The following FSTL4 variants were observed in gnomAD, a reference collection of about 807,000 sequenced individuals.
The protein encoded by FSTL4 is follistatin-related protein 4.
FSTL4 carries 28 observed loss-of-function variants against 78.2 expected under a neutral mutation model. That is an observed-to-expected ratio of 0.36 (90% CI 0.27 to 0.49). The LOEUF is 0.49. FSTL4 is among the 20% of genes least tolerant of loss of function. FSTL4 has a pLI of 0.98. For missense variants in FSTL4, 922 were observed against 1,084.9 expected (o/e 0.85, Z 2.11); for synonymous variants, 422 against 440.5 (o/e 0.96, Z 0.53).
At chr5:133,636,485 T>C in the FSTL4 span, among the ~76,000 whole-genome samples, 1 of 152,216 alleles carries the variant, frequency 6.6e-6, no homozygotes, top group Admixed American at 6.5e-5. Flanking sequence ...AAAGGTTTAC[T>C]GAATAGTGAA....
In FSTL4 at chr5:133,420,613, A is replaced by G. The variant is rs1026744432; in HGVS notation, c.161-19627T>C. ...TACTGTGCAAATTCCCTGACCTCAA[A>G]TGATGGTGCCACCATAGCAGCAGGA... On this transcript the variant is annotated intron_variant, in intron 3 of 15. Coordinates refer to ENST00000265342, the MANE Select transcript of FSTL4 (RefSeq NM_015082.2). 2.0e-5 allele frequency among the ~76,000 whole-genome samples: 3 copies of G among 152,176 alleles called. No individual in the cohort carries two copies. The East Asian group carries it at 5.8e-4, about 29-fold the overall frequency.
chr5:133,494,826 C>T (rs1269081091), intron 3 of FSTL4, among the ~76,000 whole-genome samples: 1 of 152,236 alleles, frequency 6.6e-6, no homozygotes, highest in Non-Finnish European at 1.5e-5. Context: ...TGAGCACATC[C>T]CTCTGGCACA....
At chr5:133,670,139 A>G in the FSTL4 span, among the ~76,000 whole-genome samples, 3,774 of 152,230 alleles carry the variant, frequency 0.025, 160 homozygotes, top group African/African-American at 0.085. Flanking sequence ...GCTGAGAGAG[A>G]GGGATATTTG....
At chr5:133,442,940 T>C (rs1347915590) in intron 3 of FSTL4, among the ~76,000 whole-genome samples, 1 of 152,250 alleles carries the variant, frequency 6.6e-6, no homozygotes, top group Non-Finnish European at 1.5e-5. Context: ...TCTTAATAAG[T>C]TTAATAAATG....
chr5:133,595,591 C>A (rs993322052), intron 2 of FSTL4, among the ~76,000 whole-genome samples: 6 of 152,190 alleles, frequency 3.9e-5, no homozygotes, highest in Non-Finnish European at 8.8e-5. Context: ...CCAGCAGTGA[C>A]AAGAACTGCA....
chr5:133,336,835 T>C (rs1273338765), intron 4 of FSTL4, among the ~76,000 whole-genome samples: 1 of 152,200 alleles, frequency 6.6e-6, no homozygotes, highest in East Asian at 1.9e-4. Context: ...CTTCTAGGCA[T>C]GTAGCATCTA....
At chr5:133,775,196 T>C in the FSTL4 span, among the ~76,000 whole-genome samples, 92,827 of 152,112 alleles carry the variant, frequency 0.61, 28,708 homozygotes, top group Non-Finnish European at 0.67. Flanking sequence ...ATCCAGTATA[T>C]CCAGTTGTAC....
the FSTL4 span, among the ~76,000 whole-genome samples, chr5:133,816,312 C>T: frequency 6.6e-6 from 1 of 152,214 alleles, no homozygotes; most frequent in Non-Finnish European, 1.5e-5. Context: ...TGGGAAAAGG[C>T]AGGGTCTGAC....
intron 3 of FSTL4, among the ~76,000 whole-genome samples, chr5:133,530,319 C>G (rs929957037): frequency 6.6e-6 from 1 of 152,206 alleles, no homozygotes; most frequent in Non-Finnish European, 1.5e-5. Flanking sequence ...AATGCCTCCC[C>G]ACTCATGCTG....
At chr5:133,707,931 C>T in the FSTL4 span, among the ~76,000 whole-genome samples, 1 of 151,914 alleles carries the variant, frequency 6.6e-6, no homozygotes, top group African/African-American at 2.4e-5. Context: ...CAGGGCCCTC[C>T]CATCTGTACT....
At chr5:133,398,851 C>A (rs751432923) in intron 4 of FSTL4, among the ~76,000 whole-genome samples, 2 of 152,184 alleles carry the variant, frequency 1.3e-5, no homozygotes. Context: ...AAAAAGGGGT[C>A]CTTAAGAGAG....
intron 3 of FSTL4, among the ~76,000 whole-genome samples, chr5:133,493,490 T>G (rs922252417): frequency 7.2e-5 from 11 of 152,192 alleles, no homozygotes; most frequent in African/African-American, 2.7e-4. Flanking sequence ...TCCTTGACCA[T>G]TAGGTAAAAT....
chr5:133,300,658 G>A (rs771799859), intron 6 of FSTL4, among the ~76,000 whole-genome samples: 1 of 152,184 alleles, frequency 6.6e-6, no homozygotes, highest in Admixed American at 6.5e-5. Context: ...CCAAGCCATC[G>A]TTTCCCTGAT....
At chr5:133,832,796 G>T in the FSTL4 span, among the ~76,000 whole-genome samples, 3 of 152,164 alleles carry the variant, frequency 2.0e-5, no homozygotes, top group African/African-American at 2.4e-5. Context: ...ATACATTAAG[G>T]CTTTGTGGTC....
At chr5:133,313,634 G>T (rs147675599) in intron 5 of FSTL4, among the ~76,000 whole-genome samples, 230 of 152,036 alleles carry the variant, frequency 1.5e-3, no homozygotes, top group African/African-American at 4.7e-3. Context: ...ATTTTGGTGT[G>T]GGGGGAGGGG....
At chr5:133,583,417 A>G (rs866787936) in intron 2 of FSTL4, 1 of 294,600 alleles carries the variant, frequency 3.4e-6, no homozygotes, top group Non-Finnish European at 6.8e-6. Flanking sequence ...AGTGCCAGAC[A>G]GTGGGCGCAG....
chr5:133,596,219 G>A (rs1031967420), intron 2 of FSTL4, among the ~76,000 whole-genome samples: 1 of 151,584 alleles, frequency 6.6e-6, no homozygotes, highest in African/African-American at 2.4e-5. Flanking sequence ...CTGAGCAGGG[G>A]AAGAGACGTC....
chr5:133,233,382 A>C (rs1198998072), intron 8 of FSTL4, 35 bp downstream of exon 8: 1 of 1,612,784 alleles, frequency 6.2e-7, no homozygotes, highest in South Asian at 1.1e-5. Context: ...TGGGGAGGCT[A>C]TGAGGGGACA....
At chr5:133,657,759 G>GTTTT in the FSTL4 span, among the ~76,000 whole-genome samples, 33 of 111,750 alleles carry the variant, frequency 3.0e-4, no homozygotes, top group Non-Finnish European at 4.6e-4. Context: ...CTAGCTTACT[G>GTTTT]TTTTTTGTTT....
Sources: allele counts gnomAD v4.1 joint callset (sites outside exome capture counted in the v4.1 genomes callset), GRCh38; gene constraint gnomAD v4.1.1; transcripts MANE v1.5; gene names NCBI Gene and HGNC (gene_info 2026-07-23, HGNC 2026-07-21).